Variants in KLB observed in about 807,000 individuals in gnomAD.
The protein encoded by KLB is beta-klotho.
KLB carries 44 observed loss-of-function variants against 88.4 expected under a neutral mutation model. The ratio of observed to expected loss-of-function variants is 0.50; its 90% CI spans 0.39 to 0.64. The LOEUF is 0.64. Ranked by LOEUF, KLB falls within the 30% of genes least tolerant of loss-of-function variation. KLB has a pLI of 0.00. For missense variants in KLB, 1,137 were observed against 1,304.8 expected (o/e 0.87, Z 1.98); for synonymous variants, 548 against 513.4 (o/e 1.07, Z -0.91).
In KLB at chr4:39,446,849, C is replaced by G. The variant is rs367693203; in HGVS notation, c.2123C>G (p.Thr708Ser). Residue 708 changes from threonine to serine, a missense_variant, in exon 4 of 5, where the codon ACC becomes AGC. Transcript: ENST00000257408. This position sits in a 1 kb window ranked among gnomAD's most constrained non-coding sequence, Gnocchi z 6.4. ...SDIYNRSGND[T>S]YGAAHNLLVA... is the part of the protein sequence containing the mutation. ...ATCTACAACCGCTCTGGCAACGACA[C>G]CTACGGGGCGGCGCACAACCTGCTG... 28 of 1,611,738 alleles carry G rather than the reference C, an allele frequency of 1.7e-5. No individual in the cohort carries two copies. In the African/African-American group the frequency reaches 3.3e-4, roughly 19 times the overall value.
Position 39,407,340 on chromosome 4 carries a change from T to C in KLB, c.391T>C (p.Tyr131His). Residue 131 changes from tyrosine (Y) to histidine (H), a missense_variant, in exon 1 of 5, where the codon TAT becomes CAT. Physicochemically the swap from Tyr to His is moderately conservative, Grantham distance 83. Transcript: ENST00000257408. ...VSSTNGSSDSYIFLEKDLSAL... is the reference protein window; with the variant it reads ...VSSTNGSSDSHIFLEKDLSAL... ...CAGCACGAATGGTTCCAGTGACAGT[T>C]ATATTTTTCTGGAAAAAGACTTATC... 6.2e-7 allele frequency: 1 copy of C among 1,614,226 alleles called. No individual in the cohort carries two copies. The highest frequency in any genetic ancestry group is 8.5e-7 in the Non-Finnish European group (1 of 1,180,036).
At chr4:39,429,646 G>T (rs955145175) in intron 1 of KLB, among the ~76,000 whole-genome samples, 1 of 152,116 alleles carries the variant, frequency 6.6e-6, no homozygotes, top group African/African-American at 2.4e-5. Flanking sequence ...CAAATTAGAG[G>T]GTGACCTTGG....
chr4:39,435,727 T>C (rs935017774), intron 2 of KLB, among the ~76,000 whole-genome samples: 2 of 152,176 alleles, frequency 1.3e-5, no homozygotes, highest in African/African-American at 2.4e-5. Flanking sequence ...CACCCAGCCA[T>C]TGTATTGTCC....
rs1369423468 is a variant in KLB at position 39,449,975 on chromosome 4, C to A, written c.*1289C>A. 1 of 152,048 alleles carries A rather than the reference C, an allele frequency of 6.6e-6. No homozygotes were observed. The highest frequency in any genetic ancestry group is 6.6e-5 in the Admixed American group (1 of 15,248). 9.4% of individuals were successfully genotyped at this position (152,048 alleles called of 1,614,324 possible). Reference sequence around the variant, plus strand: ...AAAATAAAAGTAATTTCCAAAACCTCATCTCATGGAAAGATCACAGGATGA... The same window carrying A: ...AAAATAAAAGTAATTTCCAAAACCTAATCTCATGGAAAGATCACAGGATGA... On this transcript the variant is annotated 3_prime_UTR_variant, in exon 5 of 5. Transcript: ENST00000257408.
chr4:39,443,548 C>A (rs967737636), intron 3 of KLB, among the ~76,000 whole-genome samples: 3 of 148,532 alleles, frequency 2.0e-5, no homozygotes, highest in Non-Finnish European at 4.5e-5. Context: ...ACCTGTCTGG[C>A]CTGTCAGGAC....
In KLB at chr4:39,422,727, A is replaced by T. The variant is rs116811178; in HGVS notation, c.826-11483A>T. 3.6e-3 allele frequency among the ~76,000 whole-genome samples: 543 copies of T among 151,776 alleles called. 4 individuals carry two copies. Among genetic ancestry groups the T allele is most frequent in the African/African-American group, 0.013 (518 of 41,388 alleles). On this transcript the variant is annotated intron_variant, in intron 1 of 4. Transcript: ENST00000257408. ...TTGATTGAATGCCATGCTGTTCTAA[A>T]TGCTATGCAGACAAGGATCTCTGTC... is the stretch of plus-strand genomic sequence containing the variant.
At chr4:39,421,200 G>A (rs543347935) in intron 1 of KLB, among the ~76,000 whole-genome samples, 1 of 152,196 alleles carries the variant, frequency 6.6e-6, no homozygotes, top group African/African-American at 2.4e-5. Context: ...CCTTGTATTT[G>A]TTAAATAAAT....
intron 1 of KLB, among the ~76,000 whole-genome samples, chr4:39,422,506 G>A (rs1284349354): frequency 4.6e-5 from 7 of 152,138 alleles, no homozygotes; most frequent in African/African-American, 4.8e-5. Context: ...TACCTACCTC[G>A]CAGAATTTCA....
chr4:39,414,718 A>T (rs1742930123), intron 1 of KLB, among the ~76,000 whole-genome samples: 1 of 151,200 alleles, frequency 6.6e-6, no homozygotes, highest in Non-Finnish European at 1.5e-5. Flanking sequence ...AAAATACAAA[A>T]ATTAGCCAGG....
rs576883048 is a variant in KLB at position 39,448,218 on chromosome 4, C to T, written c.2750-83C>T. The T allele has an allele frequency of 4.7e-6, 5 of 1,062,824 alleles. No homozygotes were observed. In the African/African-American group the frequency reaches 8.0e-5, roughly 17 times the overall value. The allele number at this position is 1,062,824 out of a possible 1,614,324, so 65.8% of individuals were successfully genotyped here. A position where few individuals can be genotyped will look rare whatever the true frequency, so the allele number is the denominator to read the frequency against. ...ACCTTTATTATGGGCATAATTTTAG[C>T]TTGTTTCAATGAAAACTAAATTCTT... On this transcript the variant is annotated intron_variant, in intron 4 of 4. Transcript: ENST00000257408.
rs775901314 is a variant in KLB at position 39,446,937 on chromosome 4, C to T, written c.2211C>T (p.Ala737=). ...DRQFRPSQRG[A]VSLSLHADWA... is the part of the protein sequence containing the mutation. ...AGTTCAGGCCCTCACAGCGCGGGGC[C>T]GTGTCGCTGTCGCTGCACGCGGACT... The change falls in exon 4 of 5, where the codon GCC becomes GCT. Residue 737 remains alanine, a synonymous_variant. Coordinates refer to ENST00000257408, the MANE Select transcript of KLB (RefSeq NM_175737.4). This position sits in a 1 kb window ranked among gnomAD's most constrained non-coding sequence, Gnocchi z 6.4. 2.5e-6 allele frequency: 4 copies of T among 1,604,726 alleles called. No individual in the cohort carries two copies. In the South Asian group the frequency reaches 3.3e-5, roughly 13 times the overall value.
intron 1 of KLB, among the ~76,000 whole-genome samples, chr4:39,410,892 G>A (rs1029101623): frequency 4.6e-5 from 7 of 152,104 alleles, no homozygotes; most frequent in Non-Finnish European, 8.8e-5. Flanking sequence ...GTTCCCATTT[G>A]GAGGAAACCT....
At chr4:39,440,847 C>G (rs1292293687) in intron 3 of KLB, among the ~76,000 whole-genome samples, 3 of 152,018 alleles carry the variant, frequency 2.0e-5, no homozygotes, top group Admixed American at 6.6e-5. Flanking sequence ...TGTTAGCCAC[C>G]GTGCCCAGCT....
chr4:39,427,347 G>A lies in KLB; in HGVS notation c.826-6863G>A, dbSNP rs144657922. Among the ~76,000 whole-genome samples the A allele has an allele frequency of 3.3e-3, 503 of 152,150 alleles. 1 individual carries two copies. The highest frequency in any genetic ancestry group is 6.8e-3 in the Middle Eastern group (2 of 294). ...AAAATACAAAAATTAGCTGGGCGTG[G>A]TGGCAGGTACCTGTAGTCCCAGCTA... On this transcript the variant is annotated intron_variant, in intron 1 of 4. Transcript: ENST00000257408.
chr4:39,411,537 T>C (rs1742848126), intron 1 of KLB, among the ~76,000 whole-genome samples: 1 of 150,224 alleles, frequency 6.7e-6, no homozygotes, highest in Non-Finnish European at 1.5e-5. Context: ...TTTTTTTTTT[T>C]AAGACAGAGT....
At position 39,437,809 on chromosome 4, in the gene KLB, C is replaced by T. The variant is rs758719872; in HGVS notation, c.1419C>T (p.Thr473=). ...GCTTTGAATGGCAGGATGCTTACAC[C>T]ATCCGCCGAGGATTATTTTATGTGG... ...LDGFEWQDAY[T]IRRGLFYVDF... Residue 473 remains threonine (T), a synonymous_variant, in exon 3 of 5, where the codon ACC becomes ACT. Transcript: ENST00000257408. The T allele has an allele frequency of 1.2e-6, 2 of 1,614,016 alleles. No individual in the cohort carries two copies. Among genetic ancestry groups the T allele is most frequent in the Non-Finnish European group, 1.7e-6 (2 of 1,180,014 alleles).
intron 3 of KLB, among the ~76,000 whole-genome samples, chr4:39,442,435 CTT>C (rs772744557): frequency 3.0e-4 from 41 of 138,420 alleles, no homozygotes; most frequent in Admixed American, 6.6e-4. Flanking sequence ...CCTCTCTCCC[CTT>C]TTTTTTTTTT....
In KLB at chr4:39,434,676, C is replaced by T. The variant is rs976493180; in HGVS notation, c.1292C>T (p.Thr431Met). The T allele has an allele frequency of 3.1e-6, 5 of 1,613,768 alleles. No individual in the cohort carries two copies. Among genetic ancestry groups the T allele is most frequent in the Non-Finnish European group, 4.2e-6 (5 of 1,179,718 alleles). Residue 431 changes from threonine to methionine, a missense_variant, in exon 2 of 5, where the codon ACG becomes ATG. This residue lies in a region of KLB where 597 missense variants were observed against 765.2 expected (regional missense o/e 0.78). Transcript: ENST00000257408. ...TDSRVKTEDTTAIYMMKNFLS... is the reference protein window; with the variant it reads ...TDSRVKTEDTMAIYMMKNFLS... ...AGTCGTGTGAAAACAGAAGACACCA[C>T]GGCCATCTACATGATGAAGAATTTC...
chr4:39,430,994 GCAACCTCCGCCTCCCTGGCT>G (rs1342753454), intron 1 of KLB, among the ~76,000 whole-genome samples: 1 of 150,730 alleles, frequency 6.6e-6, no homozygotes, highest in African/African-American at 2.4e-5. Flanking sequence ...TCAGCTCACT[GCAACCTCCGCCTCCCTGGCT>G]CAAATGATCT....
Sources: gnomAD v4.1 joint callset for allele counts (sites outside exome capture counted in the v4.1 genomes callset) on GRCh38, gnomAD v4.1.1 for gene constraint, gnomAD v4.1.1 regional missense constraint, Gnocchi (gnomAD v3.1) non-coding constraint, MANE v1.5 for transcripts, NCBI Gene and HGNC (gene_info 2026-07-23, HGNC 2026-07-21) for gene names.